MLLT3: variants seen among roughly 807,000 people sequenced by gnomAD.
MLLT3 encodes MLLT3 super elongation complex subunit, also known as protein AF-9.
Under a neutral mutation model 53.2 loss-of-function variants are expected in MLLT3, and 4 were observed. The ratio of observed to expected loss-of-function variants is 0.08; its 90% CI spans 0.04 to 0.17. MLLT3 has a LOEUF of 0.17. Among genes scored for constraint, MLLT3 ranks in the 10% least tolerant of loss-of-function variants. MLLT3 has a pLI of 1.00. For synonymous variants in MLLT3, 283 were observed against 230.6 expected (o/e 1.23, Z -2.06); for missense variants, 569 against 684.0 (o/e 0.83, Z 1.87).
chr9:20,342,846 A>ATATATG lies in MLLT3; in HGVS notation c.*3591_*3596dup, dbSNP rs1379864741. 5 of 173,030 alleles carry ATATATG rather than the reference A, an allele frequency of 2.9e-5. No homozygotes were observed. The highest frequency in any genetic ancestry group is 4.9e-5 in the Non-Finnish European group (4 of 81,650). The allele number at this position is 173,030 out of a possible 1,614,324, so 10.7% of individuals were successfully genotyped here. On this transcript the variant is annotated 3_prime_UTR_variant, in exon 11 of 11. Transcript: ENST00000380338. ...ATAATATATATGTGTATATATATAT[A>ATATATG]TATATGTATATATAAATATAGGAGC...
At chr9:20,556,132 A>G (rs1055885555) in intron 2 of MLLT3, among the ~76,000 whole-genome samples, 3 of 152,188 alleles carry the variant, frequency 2.0e-5, no homozygotes, top group African/African-American at 7.2e-5. Flanking sequence ...ACACCTGTAT[A>G]TATGCAATAG....
chr9:20,542,347 T>C, intron 2 of MLLT3, among the ~76,000 whole-genome samples: 1 of 150,978 alleles, frequency 6.6e-6, no homozygotes, highest in Admixed American at 6.6e-5. Context: ...GCTTCCCAGG[T>C]TCACGCCATT....
chr9:20,450,890 T>C (rs1823824115), intron 3 of MLLT3, among the ~76,000 whole-genome samples: 1 of 152,214 alleles, frequency 6.6e-6, no homozygotes, highest in African/African-American at 2.4e-5. Context: ...CATAAACTGG[T>C]AAAGCCTTTT....
At chr9:20,580,614 A>G (rs1356985498) in intron 2 of MLLT3, among the ~76,000 whole-genome samples, 1 of 152,184 alleles carries the variant, frequency 6.6e-6, no homozygotes, top group African/African-American at 2.4e-5. Flanking sequence ...CAAGGCTGCT[A>G]ATCAAAAAGT....
At chr9:20,556,460 G>A (rs536363494) in intron 2 of MLLT3, among the ~76,000 whole-genome samples, 6 of 152,144 alleles carry the variant, frequency 3.9e-5, no homozygotes, top group East Asian at 1.9e-4. Context: ...CGAGGTGGGC[G>A]GATCACAAGG....
chr9:20,454,507 T>C (rs1254952822), intron 3 of MLLT3, among the ~76,000 whole-genome samples: 2 of 152,204 alleles, frequency 1.3e-5, no homozygotes, highest in Non-Finnish European at 2.9e-5. Context: ...CTGAAGTCAA[T>C]GCAATGTCAA....
Position 20,381,293 on chromosome 9 carries a change from T to G in MLLT3, c.1126-15549A>C, listed in dbSNP as rs1190588728. The stretch of plus-strand genomic sequence containing the variant: ...TATTTGGACATCATGTGATTGCATT[T>G]AATTTATAGACATCCACATGACAAA... On this transcript the variant is annotated intron_variant, in intron 5 of 10. Transcript: ENST00000380338. Among the ~76,000 whole-genome samples the G allele has an allele frequency of 2.0e-5, 3 of 152,108 alleles. No individual in the cohort carries two copies. In the East Asian group the frequency reaches 5.8e-4, roughly 29 times the overall value.
chr9:20,524,013 T>C (rs1214873799), intron 2 of MLLT3, among the ~76,000 whole-genome samples: 1 of 149,760 alleles, frequency 6.7e-6, no homozygotes, highest in Non-Finnish European at 1.5e-5. Flanking sequence ...AGATCAATGG[T>C]TGTCAGGGGT....
intron 2 of MLLT3, among the ~76,000 whole-genome samples, chr9:20,506,651 C>A (rs1317429680): frequency 6.6e-6 from 1 of 152,140 alleles, no homozygotes; most frequent in Non-Finnish European, 1.5e-5. Context: ...GACCTTGGCA[C>A]ACATAAATAG....
rs555131494 is a variant in MLLT3 at position 20,528,172 on chromosome 9, T to C, written c.194-71386A>G. Among the ~76,000 whole-genome samples the C allele has an allele frequency of 4.6e-5, 7 of 152,380 alleles. No homozygotes were observed. In the East Asian group the frequency reaches 1.3e-3, roughly 29 times the overall value. ...AATTGAGGTTAAAGACCCATCCTAA[T>C]GATTTCCATCTTTATCTCAATCACA... On this transcript the variant is annotated intron_variant, in intron 2 of 10. Coordinates refer to ENST00000380338, the MANE Select transcript of MLLT3 (RefSeq NM_004529.4).
At chr9:20,597,095 T>C (rs667019) in intron 2 of MLLT3, among the ~76,000 whole-genome samples, 124,698 of 151,934 alleles carry the variant, frequency 0.82, 51,342 homozygotes, top group Middle Eastern at 0.9. Flanking sequence ...AGATTGTTCA[T>C]TGCAAGTACG....
In MLLT3 at chr9:20,552,990, T is replaced by G. The variant is rs116745902; in HGVS notation, c.193+67664A>C. Among the ~76,000 whole-genome samples the G allele has an allele frequency of 6.1e-3, 929 of 152,028 alleles. 10 individuals are homozygous for G. The highest frequency in any genetic ancestry group is 0.02 in the African/African-American group (835 of 41,476). ...AATTCAAAACCACATACAAAATTTG[T>G]ATTTTTCTAATTAAGACTTTCCCTA... On this transcript the variant is annotated intron_variant, in intron 2 of 10. Transcript: ENST00000380338.
At position 20,462,591 on chromosome 9, in the gene MLLT3, C is replaced by T. The variant is rs79608498; in HGVS notation, c.194-5805G>A. 1.1e-3 allele frequency among the ~76,000 whole-genome samples: 160 copies of T among 152,194 alleles called. 2 individuals carry two copies. In the East Asian group the frequency reaches 0.027, roughly 26 times the overall value. On this transcript the variant is annotated intron_variant, in intron 2 of 10. Transcript: ENST00000380338. ...CCACTCAAGGCCTGACTCAATAGCA[C>T]CACCTCTGGAGAGCCTTCTGCCAAT...
At chr9:20,402,485 G>C (rs537250620) in intron 5 of MLLT3, among the ~76,000 whole-genome samples, 22 of 152,312 alleles carry the variant, frequency 1.4e-4, no homozygotes, top group African/African-American at 4.8e-4. Flanking sequence ...AGAACCTGGA[G>C]GGTGGAACGG....
At chr9:20,449,115 C>T (rs1823778513) in intron 3 of MLLT3, among the ~76,000 whole-genome samples, 2 of 152,188 alleles carry the variant, frequency 1.3e-5, no homozygotes, top group Non-Finnish European at 1.5e-5. Flanking sequence ...CGACTCCCCA[C>T]TGCCTCTCCT....
chr9:20,349,010 G>A (rs929044823), intron 10 of MLLT3, among the ~76,000 whole-genome samples: 1 of 152,116 alleles, frequency 6.6e-6, no homozygotes, highest in African/African-American at 2.4e-5. Context: ...TTTCAGGATG[G>A]AAACAAGTAG....
intron 4 of MLLT3, among the ~76,000 whole-genome samples, chr9:20,419,147 A>G (rs1822946856): frequency 6.6e-6 from 1 of 152,224 alleles, no homozygotes; most frequent in Non-Finnish European, 1.5e-5. Flanking sequence ...CAGTATGACT[A>G]CTTAAGGAGA....
intron 2 of MLLT3, among the ~76,000 whole-genome samples, chr9:20,573,289 C>A (rs533266953): frequency 1.3e-5 from 2 of 151,830 alleles, no homozygotes; most frequent in Admixed American, 1.3e-4. Context: ...AAGTGATCCT[C>A]CTGCCTCGGC....
intron 10 of MLLT3, among the ~76,000 whole-genome samples, chr9:20,348,945 A>AT (rs963302172): frequency 1.6e-4 from 25 of 151,564 alleles, no homozygotes; most frequent in East Asian, 3.9e-4. Flanking sequence ...TTCTGGAATA[A>AT]TTTTTTTTTG....
Sources: allele counts gnomAD v4.1 joint callset (sites outside exome capture counted in the v4.1 genomes callset), GRCh38; gene constraint gnomAD v4.1.1; transcripts MANE v1.5; gene names NCBI Gene and HGNC (gene_info 2026-07-23, HGNC 2026-07-21).